Variants in GGCX observed in about 807,000 individuals in gnomAD.
GGCX encodes vitamin K-dependent gamma-carboxylase.
A neutral mutation model predicts 88.5 loss-of-function variants in GGCX; 63 were observed. The observed-to-expected ratio is 0.71, with a 90% CI of 0.58 to 0.88. The LOEUF is 0.88. Ranked by LOEUF, GGCX falls within the 40% of genes least tolerant of loss-of-function variation. GGCX has a pLI of 0.00. For missense variants in GGCX, 805 were observed against 932.9 expected, an observed-to-expected ratio of 0.86 and a Z score of 1.79; for synonymous variants, 368 against 365.8, an observed-to-expected ratio of 1.01 and a Z score of -0.07.
Position 85,550,731 on chromosome 2 carries a change from T to C in GGCX, c.1908A>G (p.Pro636=). The change falls in exon 14 of 15, where the codon CCA becomes CCG. Residue 636 remains proline, a synonymous_variant. Coordinates refer to ENST00000233838, the MANE Select transcript of GGCX (RefSeq NM_000821.7). ...CCCCTTCCAACAGAGGCTGCAGCTC[T>C]GGGGGTAGAGGCCCTGTTTCTGCCC... The part of the protein sequence containing the change: ...ENGSETGPLP[P]ELQPLLEGEV... 1 of 1,614,038 alleles carries C rather than the reference T, an allele frequency of 6.2e-7. No individual in the cohort carries two copies. Among genetic ancestry groups the C allele is most frequent in the Non-Finnish European group, 8.5e-7 (1 of 1,180,024 alleles).
chr2:85,561,399 G>A lies in GGCX; in HGVS notation c.30C>T (p.Thr10=), dbSNP rs559998411. MAVSAGSAR[T]SPSSDKVQKD... Reference sequence around the variant, plus strand: ...TCCTAAGCCTACCTGAGCTGGGCGAGGTCCGCGCGGACCCGGCAGACACCG... The same window carrying A: ...TCCTAAGCCTACCTGAGCTGGGCGAAGTCCGCGCGGACCCGGCAGACACCG... Residue 10 remains threonine (T), a synonymous_variant, in exon 1 of 15, where the codon ACC becomes ACT. Coordinates refer to ENST00000233838, the MANE Select transcript of GGCX (RefSeq NM_000821.7). 5 of 1,571,756 alleles carry A rather than the reference G, an allele frequency of 3.2e-6. No homozygotes were observed. The highest frequency in any genetic ancestry group is 4.3e-6 in the Non-Finnish European group (5 of 1,158,772).
In GGCX at chr2:85,545,136, C is replaced by T. The variant is rs953351844; in HGVS notation, c.*4798G>A. On this transcript the variant is annotated 3_prime_UTR_variant, in exon 15 of 15. Transcript: ENST00000233838. The stretch of plus-strand genomic sequence containing the variant: ...GGCTGGTGTGGTACAGAGAAGCCAG[C>T]TTGTTTACATGCTTATTCCATGACT... 1.3e-5 allele frequency: 2 copies of T among 152,578 alleles called. No individual in the cohort carries two copies. The highest frequency in any genetic ancestry group is 2.9e-5 in the Non-Finnish European group (2 of 68,032). 9.5% of individuals were successfully genotyped at this position (152,578 alleles called of 1,614,324 possible).
Position 85,546,951 on chromosome 2 carries a change from A to G in GGCX, c.*2983T>C, listed in dbSNP as rs577112214. On this transcript the variant is annotated 3_prime_UTR_variant, in exon 15 of 15. Coordinates refer to ENST00000233838, the MANE Select transcript of GGCX (RefSeq NM_000821.7). ...TGGTAGAATAGCATGAGAAGTTTTC[A>G]AAAGTAACCGCTTTAAGGTTATGTT... 1 of 152,396 alleles carries G rather than the reference A, an allele frequency of 6.6e-6. No individual in the cohort carries two copies. Among genetic ancestry groups the G allele is most frequent in the South Asian group, 2.1e-4 (1 of 4,828 alleles). 9.4% of individuals were successfully genotyped at this position (152,396 alleles called of 1,614,324 possible).
chr2:85,556,359 ATC>A, intron 4 of GGCX, 99 bp from the exon 5 acceptor site: 1 of 767,768 alleles, frequency 1.3e-6, no homozygotes, highest in Non-Finnish European at 2.3e-6. Flanking sequence ...TCCTGGGCAC[ATC>A]TCCCATATCC....
At position 85,546,123 on chromosome 2, in the gene GGCX, G is replaced by A. The variant is rs1034227829; in HGVS notation, c.*3811C>T. On this transcript the variant is annotated 3_prime_UTR_variant, in exon 15 of 15. Coordinates refer to ENST00000233838, the MANE Select transcript of GGCX (RefSeq NM_000821.7). ...TGTTTGCATGGAGACTTAAAAACTT[G>A]GAAATTTGGAGGCCAGGCGGAGTGG... 7 of 152,202 alleles carry A rather than the reference G, an allele frequency of 4.6e-5. No individual in the cohort carries two copies. Among genetic ancestry groups the A allele is most frequent in the African/African-American group, 1.7e-4 (7 of 41,436 alleles). 9.4% of individuals were successfully genotyped at this position (152,202 alleles called of 1,614,324 possible).
rs78179546 is a variant in GGCX at position 85,550,490 on chromosome 2, C to T, written c.2084+65G>A. ...TATGACAGTCTCTAGAGTTACTCTC[C>T]CCAGGGGAAAGTTACCAAGCTTGCC... On this transcript the variant is annotated intron_variant, in intron 14 of 14. Coordinates refer to ENST00000233838, the MANE Select transcript of GGCX (RefSeq NM_000821.7). 2.0e-4 allele frequency: 232 copies of T among 1,185,726 alleles called. 1 individual carries two copies. In the African/African-American group the frequency reaches 3.0e-3, roughly 15 times the overall value. The allele number at this position is 1,185,726 out of a possible 1,614,324, so 73.5% of individuals were successfully genotyped here.
rs893306278 is a variant in GGCX at position 85,546,183 on chromosome 2, G to C, written c.*3751C>G. 1.3e-5 allele frequency: 2 copies of C among 152,196 alleles called. No homozygotes were observed. Among genetic ancestry groups the C allele is most frequent in the African/African-American group, 2.4e-5 (1 of 41,412 alleles). 9.4% of individuals were successfully genotyped at this position (152,196 alleles called of 1,614,324 possible). ...TAGGCCACTATATAGTAATATAGGC[G>C]TGAGCCTATAATCCTAGCACTTTGG... On this transcript the variant is annotated 3_prime_UTR_variant, in exon 15 of 15. Coordinates refer to ENST00000233838, the MANE Select transcript of GGCX (RefSeq NM_000821.7).
rs746489112 is a variant in GGCX at position 85,550,691 on chromosome 2, G to T, written c.1948C>A (p.Pro650Thr). The T allele has an allele frequency of 2.2e-5, 36 of 1,613,978 alleles. No homozygotes were observed. Among genetic ancestry groups the T allele is most frequent in the Admixed American group, 6.7e-5 (4 of 59,998 alleles). Residue 650 changes from proline to threonine, a missense_variant, in exon 14 of 15, where the codon CCT (proline) becomes ACT (threonine). Pro to Thr is a conservative substitution (Grantham distance 38). Transcript: ENST00000233838. ...GTCTGAACCAGAGGTGTTGGCTCAG[G>T]GCCCCCTTTTACTTCCCCTTCCAAC... is the stretch of plus-strand genomic sequence containing the variant. ...PLLEGEVKGGPEPTPLVQTFL... is the reference protein window; with the variant it reads ...PLLEGEVKGGTEPTPLVQTFL...
In GGCX at chr2:85,559,492, C is replaced by A. The variant is rs1168212503; in HGVS notation, c.215-417G>T. On this transcript the variant is annotated intron_variant, in intron 2 of 14. Coordinates refer to ENST00000233838, the MANE Select transcript of GGCX (RefSeq NM_000821.7). Reference sequence around the variant, plus strand: ...CTTTAGGAGGCTGAGGTGGGCAGATCACCTGAGGTTGGGAGTTCGAAACCA... The same window carrying A: ...CTTTAGGAGGCTGAGGTGGGCAGATAACCTGAGGTTGGGAGTTCGAAACCA... 2.0e-5 allele frequency among the ~76,000 whole-genome samples: 3 copies of A among 152,054 alleles called. No homozygotes were observed. In the East Asian group the frequency reaches 5.8e-4, roughly 29 times the overall value.
intron 3 of GGCX, 119 bp from the exon 4 acceptor site, chr2:85,558,724 A>G: frequency 1.1e-6 from 1 of 912,646 alleles, no homozygotes; most frequent in South Asian, 1.4e-5. Context: ...ATAAAACTAA[A>G]TGAAAATTAA....
chr2:85,560,347 G>A (rs1430977222), intron 2 of GGCX, among the ~76,000 whole-genome samples: 1 of 152,098 alleles, frequency 6.6e-6, no homozygotes, highest in African/African-American at 2.4e-5. Context: ...AGCACTTTGG[G>A]AGGCCGAGGC....
chr2:85,556,318 T>C, intron 4 of GGCX, 58 bp from the exon 5 acceptor site: 1 of 1,026,200 alleles, frequency 9.7e-7, no homozygotes, highest in Non-Finnish European at 1.5e-6. Context: ...TACATCTCCA[T>C]CCTTCCTTTT....
rs558803550 is a variant in GGCX at position 85,551,032 on chromosome 2, G to C, written c.1781C>G (p.Pro594Arg). 3.1e-6 allele frequency: 5 copies of C among 1,613,670 alleles called. No homozygotes were observed. The South Asian group carries it at 3.3e-5, about 11-fold the overall frequency. Residue 594 changes from proline to arginine, a missense_variant, in exon 13 of 15, where the codon CCT becomes CGT. Physicochemically the swap from Pro to Arg is moderately radical, Grantham distance 103. This residue lies in a region of GGCX where 680 missense variants were observed against 763.7 expected (regional missense o/e 0.89). Transcript: ENST00000233838. ...GACGTACATGTAGCAAGAAGGGCTA[G>C]GTGATGTCGTATACACCTTATGGTA... ...GEYHKVYTTS[P>R]SPSCYMYVYV...
chr2:85,551,741 C>T (rs1313193224), intron 11 of GGCX, 71 bp downstream of exon 11: 4 of 1,562,496 alleles, frequency 2.6e-6, no homozygotes, highest in Non-Finnish European at 3.5e-6. Context: ...CCCCTCCCAC[C>T]ACATGGAATG....
chr2:85,551,704 C>T, intron 11 of GGCX, 94 bp from the exon 12 acceptor site: 1 of 1,571,890 alleles, frequency 6.4e-7, no homozygotes, highest in Non-Finnish European at 8.8e-7. Flanking sequence ...CACCATCATC[C>T]CCTTAGGTTT....
In GGCX at chr2:85,551,629, T is replaced by C. The variant is rs1336906198; in HGVS notation, c.1610-19A>G. On this transcript the variant is annotated intron_variant, in intron 11 of 14. Transcript: ENST00000233838. ...TGCAGTCCTGCCAGACCAACAGAGT[T>C]CATCATCCCACCCCATGGCAGAGTG... The C allele has an allele frequency of 6.2e-7, 1 of 1,612,760 alleles. No individual in the cohort carries two copies. The highest frequency in any genetic ancestry group is 2.2e-5 in the East Asian group (1 of 44,888).
rs557293752 is a variant in GGCX at position 85,551,087 on chromosome 2, G to T, written c.1741-15C>A. 1.2e-6 allele frequency: 2 copies of T among 1,612,510 alleles called. No homozygotes were observed. The highest frequency in any genetic ancestry group is 2.2e-5 in the East Asian group (1 of 44,884). ...CCAGCAGGCAACTGACAAGGGAGAA[G>T]AAATGGATAAATTTCATCAGCTTTT... On this transcript the variant is annotated splice_polypyrimidine_tract_variant and intron_variant, in intron 12 of 14. Transcript: ENST00000233838.
At position 85,544,937 on chromosome 2, in the gene GGCX, GAT is replaced by G. The variant is rs1691583351; in HGVS notation, c.*4995_*4996del. 6.6e-6 allele frequency: 1 copy of G among 152,296 alleles called. No individual in the cohort carries two copies. 9.4% of individuals were successfully genotyped at this position (152,296 alleles called of 1,614,324 possible). ...TCACCTCAGATGGCAGCTTTTAAAA[GAT>G]TTTTTTTTTTTCTCTCAACACCATG... On this transcript the variant is annotated 3_prime_UTR_variant, in exon 15 of 15. Coordinates refer to ENST00000233838, the MANE Select transcript of GGCX (RefSeq NM_000821.7).
Position 85,559,080 on chromosome 2 carries a change from G to C in GGCX, c.215-5C>G. The C allele has an allele frequency of 6.2e-7, 1 of 1,613,738 alleles. No homozygotes were observed. Among genetic ancestry groups the C allele is most frequent in the Non-Finnish European group, 8.5e-7 (1 of 1,179,618 alleles). The stretch of plus-strand genomic sequence containing the variant: ...TGTCTAGCACCATCAAGAACCCTAA[G>C]AAGGCAATAGGGGAGTTGGTCATTG... On this transcript the variant is annotated splice_polypyrimidine_tract_variant and splice_region_variant and intron_variant, in intron 2 of 14. Transcript: ENST00000233838.
Sources: gnomAD v4.1 joint callset for allele counts (sites outside exome capture counted in the v4.1 genomes callset) on GRCh38, gnomAD v4.1.1 for gene constraint, gnomAD v4.1.1 regional missense constraint, MANE v1.5 for transcripts, NCBI Gene and HGNC (gene_info 2026-07-23, HGNC 2026-07-21) for gene names.